The following CCNA1 variants were observed in gnomAD, a reference collection of about 807,000 sequenced individuals.
CCNA1 encodes cyclin A1.
In CCNA1, 23 loss-of-function variants were observed where a neutral mutation model predicts 54.1. The ratio of observed to expected loss-of-function variants is 0.42; its 90% confidence interval spans 0.31 to 0.60. The LOEUF (loss-of-function observed/expected upper bound fraction) is 0.60, where lower values mean the gene tolerates loss of function less well. Ranked by LOEUF, CCNA1 falls within the 20% of genes least tolerant of loss-of-function variation. The pLI is 0.14. For synonymous variants in CCNA1, 208 were observed against 213.9 expected (o/e 0.97, Z 0.24); for missense variants, 450 against 556.7 (o/e 0.81, Z 1.93).
In CCNA1 at chr13:36,432,522, C is replaced by G. The variant is rs2055725062; in HGVS notation, c.-100C>G. 3 of 539,500 alleles carry G rather than the reference C, an allele frequency of 5.6e-6. No individual in the cohort carries two copies. The highest frequency in any genetic ancestry group is 2.0e-5 in the African/African-American group (1 of 49,974). The allele number at this position is 539,500 out of a possible 1,614,324, so 33.4% of individuals were successfully genotyped here. A position where few individuals can be genotyped will look rare whatever the true frequency, so the allele number is the denominator to read the frequency against. Reference sequence around the variant, plus strand: ...TTGTTCCGGACACATAGAAAGATAACGACGGGAAGAGCGGGGCCCGCTTTG... The same window carrying G: ...TTGTTCCGGACACATAGAAAGATAAGGACGGGAAGAGCGGGGCCCGCTTTG... On this transcript the variant is annotated 5_prime_UTR_variant, in exon 1 of 9. Transcript: ENST00000255465.
chr13:36,438,589 G>A (rs1250399586), intron 4 of CCNA1, 55 bp from the exon 5 acceptor site: 4 of 1,243,450 alleles, frequency 3.2e-6, no homozygotes, highest in Middle Eastern at 2.6e-4. Context: ...ACTATATTGT[G>A]GAATGATCTT....
At chr13:36,435,072 TC>T (rs1023646574) in intron 2 of CCNA1, among the ~76,000 whole-genome samples, 2 of 152,140 alleles carry the variant, frequency 1.3e-5, no homozygotes, top group Admixed American at 6.5e-5. Context: ...CCTTGACCGG[TC>T]CCTTTTTCAG....
intron 7 of CCNA1, 117 bp from the exon 8 acceptor site, chr13:36,442,054 T>G (rs1199831351): frequency 5.5e-6 from 4 of 726,980 alleles, no homozygotes; most frequent in Non-Finnish European, 6.6e-6. Context: ...TTCTGGTCTC[T>G]TTCGAGATGA....
chr13:36,432,979 C>T lies in CCNA1; in HGVS notation c.109-54C>T, dbSNP rs2055734420. 15 of 1,539,822 alleles carry T rather than the reference C, an allele frequency of 9.7e-6. No homozygotes were observed. The South Asian group carries it at 1.7e-4, about 17-fold the overall frequency. On this transcript the variant is annotated intron_variant, in intron 1 of 8. Transcript: ENST00000255465. Reference sequence around the variant, plus strand: ...CTAGAGGTTCGCTGTGTCCTTGGAGCCCGGGGTGGACGGAATCGACTAAAC... The same window carrying T: ...CTAGAGGTTCGCTGTGTCCTTGGAGTCCGGGGTGGACGGAATCGACTAAAC...
chr13:36,434,706 C>G (rs2055778840), intron 2 of CCNA1, among the ~76,000 whole-genome samples: 1 of 151,616 alleles, frequency 6.6e-6, no homozygotes, highest in South Asian at 2.1e-4. Context: ...CACTTTGTAT[C>G]TTATTTTCCT....
At chr13:36,436,688 C>T (rs1396246771) in intron 2 of CCNA1, among the ~76,000 whole-genome samples, 2 of 152,090 alleles carry the variant, frequency 1.3e-5, no homozygotes, top group Non-Finnish European at 2.9e-5. Flanking sequence ...TTTGTGATTT[C>T]CCCCCAATTA....
chr13:36,433,026 C>G lies in CCNA1; in HGVS notation c.109-7C>G. On this transcript the variant is annotated splice_polypyrimidine_tract_variant and splice_region_variant and intron_variant, in intron 1 of 8. Transcript: ENST00000255465. ...AAACAGCTTGTCTGTTTCTCTTTCC[C>G]TGGTAGCAGCAGCCCGTGGAGTCTG... is the stretch of plus-strand genomic sequence containing the variant. The G allele has an allele frequency of 2.5e-6, 4 of 1,609,446 alleles. No individual in the cohort carries two copies. The highest frequency in any genetic ancestry group is 2.5e-6 in the Non-Finnish European group (3 of 1,177,630).
upstream of CCNA1, chr13:36,431,811 G>A (rs1362196460): frequency 2.6e-5 from 4 of 151,794 alleles, no homozygotes; most frequent in Non-Finnish European, 5.9e-5. Flanking sequence ...CCGCGCCCTC[G>A]GGCCAGCGTG....
chr13:36,433,438 CTTTCGTT>C (rs2055756016), intron 2 of CCNA1, among the ~76,000 whole-genome samples: 1 of 81,152 alleles, frequency 1.2e-5, no homozygotes, highest in Admixed American at 1.3e-4. Flanking sequence ...TTCTTTCTTT[CTTTCGTT>C]CTTTCTTTCT....
rs149125997 is a variant in CCNA1, at chr13:36,433,113, C to G, written c.189C>G (p.Pro63=). 6 of 1,614,056 alleles carry G rather than the reference C, an allele frequency of 3.7e-6. No homozygotes were observed. The highest frequency in any genetic ancestry group is 5.1e-6 in the Non-Finnish European group (6 of 1,180,030). ...TGCTGGCTACAGTGGCCCGAGGTCC[C>G]GATGCTTGTCAGATACTCACCAGAG... The change falls in exon 2 of 9, where the codon CCC becomes CCG. Residue 63 remains proline, a synonymous_variant. Transcript: ENST00000255465.
At chr13:36,436,108 C>T (rs979863745) in intron 2 of CCNA1, among the ~76,000 whole-genome samples, 5 of 152,208 alleles carry the variant, frequency 3.3e-5, no homozygotes, top group African/African-American at 1.2e-4. Context: ...AATTGATTGG[C>T]TTACTTACTC....
rs747447718 is a variant in CCNA1 at position 36,440,107 on chromosome 13, T to TTTC, written c.1022_1023insTTC (p.Val341_Pro342insSer). The TTTC allele has an allele frequency of 6.2e-7, 1 of 1,613,970 alleles. No homozygotes were observed. The highest frequency in any genetic ancestry group is 1.1e-5 in the South Asian group (1 of 91,078). ...AAAGTTCTAGCTTTTGATCTGACAG[T>TTTC]ACCAACCACCAACCAGTTTCTCCTT... On this transcript the variant is annotated inframe_insertion, in exon 6 of 9. Coordinates refer to ENST00000255465, the MANE Select transcript of CCNA1 (RefSeq NM_003914.4).
Position 36,438,716 on chromosome 13 carries a change from G to C in CCNA1, c.742G>C (p.Val248Leu). The stretch of plus-strand genomic sequence containing the variant: ...CACGGAAGGCATGCGCACGATTCTG[G>C]TGGACTGGCTGGTGGAGGTTGGGGA... The change falls in exon 5 of 9, where the codon GTG (valine) becomes CTG (leucine). Residue 248 changes from valine to leucine, a missense_variant. By Grantham distance (32) the Val-to-Leu change is conservative. This residue lies in a region of CCNA1 where 150 missense variants were observed against 219.7 expected (regional missense o/e 0.68). Coordinates refer to ENST00000255465, the MANE Select transcript of CCNA1 (RefSeq NM_003914.4). 6.2e-7 allele frequency: 1 copy of C among 1,614,102 alleles called. No homozygotes were observed. Among genetic ancestry groups the C allele is most frequent in the Non-Finnish European group, 8.5e-7 (1 of 1,180,000 alleles).
chr13:36,437,906 T>C, intron 3 of CCNA1, 31 bp downstream of exon 3: 1 of 1,602,372 alleles, frequency 6.2e-7, no homozygotes, highest in Non-Finnish European at 8.5e-7. Context: ...TGATGGCTGA[T>C]GGTACCCTGT....
chr13:36,434,562 T>A (rs1488653990), intron 2 of CCNA1, among the ~76,000 whole-genome samples: 1 of 152,194 alleles, frequency 6.6e-6, no homozygotes, highest in Non-Finnish European at 1.5e-5. Flanking sequence ...GTTGCTAACC[T>A]CTTATGTTAC....
chr13:36,432,818 C>T, intron 1 of CCNA1, 89 bp downstream of exon 1: 1 of 1,032,996 alleles, frequency 9.7e-7, no homozygotes. Context: ...TAAAAAGCCT[C>T]CCTCAGGGAT....
chr13:36,437,920 T>G (rs760220718), intron 3 of CCNA1, 45 bp downstream of exon 3: 2 of 1,592,478 alleles, frequency 1.3e-6, no homozygotes, highest in South Asian at 2.3e-5. Context: ...ACCCTGTATT[T>G]ATAACTGCCT....
intron 2 of CCNA1, among the ~76,000 whole-genome samples, chr13:36,433,901 T>G (rs188023868): frequency 4.7e-4 from 72 of 152,278 alleles, no homozygotes; most frequent in Non-Finnish European, 9.3e-4. Flanking sequence ...GTGATTAGTT[T>G]TCTTTGTTAT....
chr13:36,432,947 C>A (rs1224988373), intron 1 of CCNA1, 86 bp from the exon 2 acceptor site: 2 of 1,294,848 alleles, frequency 1.5e-6, no homozygotes, highest in African/African-American at 2.9e-5. Context: ...GCTTGGTGCT[C>A]TCCCTCCTAG....
Sources: allele counts gnomAD v4.1 joint callset (sites outside exome capture counted in the v4.1 genomes callset), GRCh38; gene constraint gnomAD v4.1.1; regional missense constraint gnomAD v4.1.1; transcripts MANE v1.5; gene names NCBI Gene and HGNC (gene_info 2026-07-23, HGNC 2026-07-21).